Variants in SPTB observed in about 807,000 individuals in gnomAD.
The protein encoded by SPTB is spectrin beta chain, erythrocytic.
Under a neutral mutation model 256.2 loss-of-function variants are expected in SPTB, and 45 were observed. The ratio of observed to expected loss-of-function variants is 0.18; its 90% CI spans 0.14 to 0.23. SPTB has a LOEUF of 0.23. Ranked by LOEUF, SPTB falls within the 10% of genes least tolerant of loss-of-function variation. The pLI, the probability that SPTB is intolerant of heterozygous loss-of-function variation, is 1.00. For missense variants in SPTB, 2,715 were observed against 3,040.4 expected, an observed-to-expected ratio of 0.89 and a Z score of 2.52; for synonymous variants, 1,231 against 1,243.1, an observed-to-expected ratio of 0.99 and a Z score of 0.21.
At chr14:64,814,848 G>T (rs1446917241) in intron 2 of SPTB, among the ~76,000 whole-genome samples, 1 of 152,178 alleles carries the variant, frequency 6.6e-6, no homozygotes, top group Non-Finnish European at 1.5e-5. Flanking sequence ...ATATATTATT[G>T]CAAAAGAAAA....
intron 9 of SPTB, 149 bp from the exon 10 acceptor site, chr14:64,797,995 A>G (rs549399171): frequency 1.4e-6 from 1 of 730,878 alleles, no homozygotes; most frequent in South Asian, 1.4e-5. Flanking sequence ...GAGAATCTGT[A>G]GGTCTGCTTA....
chr14:64,828,072 G>T (rs1012376), intron 1 of SPTB, among the ~76,000 whole-genome samples: 7 of 152,112 alleles, frequency 4.6e-5, no homozygotes, highest in African/African-American at 1.4e-4. Flanking sequence ...CTATGGTTTG[G>T]GGTGCTTAAA....
chr14:64,820,658 TCTTTC>T (rs2083270933), intron 2 of SPTB, among the ~76,000 whole-genome samples: 1 of 152,146 alleles, frequency 6.6e-6, no homozygotes. Flanking sequence ...CAGCAAAGGC[TCTTTC>T]CTGATCAACC....
intron 32 of SPTB, chr14:64,766,423 T>A (rs2082183490): frequency 2.2e-6 from 3 of 1,394,052 alleles, no homozygotes; most frequent in Non-Finnish European, 2.8e-6. Flanking sequence ...ATGTAAATGG[T>A]GATATATTTA....
At chr14:64,762,151 C>T (rs1413815404) in intron 32 of SPTB, among the ~76,000 whole-genome samples, 1 of 152,212 alleles carries the variant, frequency 6.6e-6, no homozygotes, top group Non-Finnish European at 1.5e-5. Flanking sequence ...GCCACACTGA[C>T]TCAGGCATAC....
intron 33 of SPTB, among the ~76,000 whole-genome samples, chr14:64,752,002 G>A (rs917508105): frequency 1.3e-5 from 2 of 151,506 alleles, no homozygotes; most frequent in African/African-American, 4.9e-5. Flanking sequence ...GCTGAGGCAG[G>A]AGAATCACTT....
chr14:64,835,772 T>C (rs1318080662), intron 1 of SPTB, among the ~76,000 whole-genome samples: 1 of 152,244 alleles, frequency 6.6e-6, no homozygotes, highest in Non-Finnish European at 1.5e-5. Context: ...CCTTTATGTA[T>C]ATTGTTCCAT....
intron 33 of SPTB, among the ~76,000 whole-genome samples, chr14:64,751,646 C>T (rs2081951355): frequency 1.3e-5 from 2 of 152,034 alleles, no homozygotes; most frequent in Admixed American, 6.6e-5. Context: ...TAACTTTTTA[C>T]AATATTTCTA....
Position 64,786,764 on chromosome 14 carries a change from C to T in SPTB, c.3201G>A (p.Leu1067=). The change falls in exon 16 of 36, where the codon CTG becomes CTA. Residue 1067 remains leucine (L), a synonymous_variant. Coordinates refer to ENST00000644917, the MANE Select transcript of SPTB (RefSeq NM_001355436.2). The surrounding 1 kb of genome is among the most constrained non-coding windows in gnomAD (Gnocchi z 5.6). Reference sequence around the variant, plus strand: ...AGGCCTGGAAGTCATCCAGATCCTGCAGGAAGGCCTGCAGCTGGCTGACTT... The same window carrying T: ...AGGCCTGGAAGTCATCCAGATCCTGTAGGAAGGCCTGCAGCTGGCTGACTT... ...LGEVSQLQAF[L]QDLDDFQAWL... The T allele has an allele frequency of 1.9e-6, 3 of 1,614,078 alleles. No homozygotes were observed. The highest frequency in any genetic ancestry group is 2.5e-6 in the Non-Finnish European group (3 of 1,180,018).
At chr14:64,828,010 C>T (rs191759341) in intron 1 of SPTB, among the ~76,000 whole-genome samples, 1 of 152,336 alleles carries the variant, frequency 6.6e-6, no homozygotes, top group African/African-American at 2.4e-5. Context: ...TGCTTTTTCA[C>T]ACTACAGCTC....
chr14:64,810,142 G>T (rs2083061097), intron 2 of SPTB, among the ~76,000 whole-genome samples: 1 of 152,154 alleles, frequency 6.6e-6, no homozygotes, highest in Admixed American at 6.5e-5. Flanking sequence ...GTAAAACTGT[G>T]TTGTACTAGC....
At chr14:64,817,283 GA>G (rs765374695) in intron 2 of SPTB, among the ~76,000 whole-genome samples, 14 of 152,204 alleles carry the variant, frequency 9.2e-5, no homozygotes, top group Non-Finnish European at 1.6e-4. Flanking sequence ...GGGGCAGGGG[GA>G]CAATCTCACC....
At chr14:64,762,914 T>G (rs898110892) in intron 32 of SPTB, among the ~76,000 whole-genome samples, 1 of 152,130 alleles carries the variant, frequency 6.6e-6, no homozygotes, top group African/African-American at 2.4e-5. Flanking sequence ...CAAAGGTGAT[T>G]AGGAGCACCA....
intron 2 of SPTB, among the ~76,000 whole-genome samples, chr14:64,805,688 T>C (rs1043718150): frequency 2.6e-5 from 4 of 152,158 alleles, no homozygotes; most frequent in South Asian, 4.1e-4. Flanking sequence ...CAGTACTCCA[T>C]AGCTGTATTG....
rs1028226302 is a variant in SPTB at position 64,779,015 on chromosome 14, G to A, written c.4563+142C>T. 17 of 682,420 alleles carry A rather than the reference G, an allele frequency of 2.5e-5. No individual in the cohort carries two copies. In the African/African-American group the frequency reaches 2.7e-4, roughly 11 times the overall value. 42.3% of individuals were successfully genotyped at this position (682,420 alleles called of 1,614,324 possible). A position where few individuals can be genotyped will look rare whatever the true frequency, so the allele number is the denominator to read the frequency against. On this transcript the variant is annotated intron_variant, in intron 22 of 35. Transcript: ENST00000644917. This position sits in a 1 kb window ranked among gnomAD's most constrained non-coding sequence, Gnocchi z 4.2. ...CTTTCTGCTATAAGATTACCAATAC[G>A]GTTTGGAGACCCCAAAGCTACCAAC...
chr14:64,839,691 G>A (rs1011916010), intron 1 of SPTB, among the ~76,000 whole-genome samples: 1 of 152,164 alleles, frequency 6.6e-6, no homozygotes, highest in Non-Finnish European at 1.5e-5. Flanking sequence ...GCTCTGATGA[G>A]AAAAATGTAG....
intron 1 of SPTB, among the ~76,000 whole-genome samples, chr14:64,850,633 A>G (rs1303305825): frequency 1.3e-5 from 2 of 152,202 alleles, no homozygotes. Flanking sequence ...TCTTGGGAGA[A>G]GTGAAATAAG....
chr14:64,856,301 C>T (rs112227198), intron 1 of SPTB, among the ~76,000 whole-genome samples: 269 of 152,272 alleles, frequency 1.8e-3, no homozygotes, highest in African/African-American at 6.1e-3. Flanking sequence ...CTTCCCAAAC[C>T]TCCCTCACCA....
intron 1 of SPTB, among the ~76,000 whole-genome samples, chr14:64,849,255 C>G (rs928547700): frequency 2.0e-5 from 3 of 152,148 alleles, no homozygotes; most frequent in African/African-American, 7.2e-5. Context: ...TGGCTTCAAA[C>G]AAGAAACCAC....
Sources: gnomAD v4.1 joint callset for allele counts (sites outside exome capture counted in the v4.1 genomes callset) on GRCh38, gnomAD v4.1.1 for gene constraint, Gnocchi (gnomAD v3.1) non-coding constraint, MANE v1.5 for transcripts, NCBI Gene and HGNC (gene_info 2026-07-23, HGNC 2026-07-21) for gene names.